Variants in CCDC171 observed in about 807,000 individuals in gnomAD.
CCDC171 encodes the protein coiled-coil domain-containing protein 171.
Under a neutral mutation model 168.2 loss-of-function variants are expected in CCDC171, and 177 were observed. The ratio of observed to expected loss-of-function variants is 1.05; its 90% CI spans 0.93 to 1.19. The LOEUF (loss-of-function observed/expected upper bound fraction) is 1.19. Among genes scored for constraint, CCDC171 ranks in the 50% most tolerant of loss-of-function variants. CCDC171 has a pLI of 0.00. For missense variants in CCDC171, 1,991 were observed against 1,539.0 expected (o/e 1.29, Z -4.91); for synonymous variants, 687 against 540.8 (o/e 1.27, Z -3.75).
rs764641354 is a variant in CCDC171 at position 16,051,762 on chromosome 9, G to T, written n.89+8876G>T. On this transcript the variant is annotated intron_variant and non_coding_transcript_variant, in intron 1 of 1. Coordinates refer to the CCDC171 transcript ENST00000478913. ...TTCACATCTCCTTAGTTTTCTAACT[G>T]AACTGATTTGAGCCCCCTGTATTAG... Among the ~76,000 whole-genome samples the T allele has an allele frequency of 3.3e-5, 5 of 152,134 alleles. No individual in the cohort carries two copies. In the South Asian group the frequency reaches 1.0e-3, roughly 32 times the overall value.
At chr9:15,727,451 A>G (rs2053878990) in intron 14 of CCDC171, among the ~76,000 whole-genome samples, 1 of 152,188 alleles carries the variant, frequency 6.6e-6, no homozygotes, top group Admixed American at 6.6e-5. Context: ...GACAAGTAGT[A>G]TCTATTTTGG....
At chr9:15,793,827 G>C (rs75845784) in intron 21 of CCDC171, among the ~76,000 whole-genome samples, 1 of 151,978 alleles carries the variant, frequency 6.6e-6, no homozygotes, top group Non-Finnish European at 1.5e-5. Context: ...GATTATTGAT[G>C]TGACAGATAT....
chr9:15,714,321 A>G (rs934579373), intron 11 of CCDC171, among the ~76,000 whole-genome samples: 7 of 152,100 alleles, frequency 4.6e-5, no homozygotes, highest in Non-Finnish European at 5.9e-5. Context: ...CCCTCACTCT[A>G]TAGGTCAGGT....
At chr9:16,093,030 G>A in the CCDC171 span, among the ~76,000 whole-genome samples, 24 of 152,302 alleles carry the variant, frequency 1.6e-4, no homozygotes, top group Middle Eastern at 3.4e-3. Context: ...CTGACAAAAC[G>A]TGGTCTGCTT....
At chr9:15,568,130 T>C (rs1018742995) in intron 2 of CCDC171, among the ~76,000 whole-genome samples, 1 of 152,138 alleles carries the variant, frequency 6.6e-6, no homozygotes, top group East Asian at 1.9e-4. Flanking sequence ...GTCTGTTTTT[T>C]CTTAGTGGAT....
At chr9:15,927,960 A>AT (rs928673712) in intron 25 of CCDC171, among the ~76,000 whole-genome samples, 1 of 151,630 alleles carries the variant, frequency 6.6e-6, no homozygotes, top group Non-Finnish European at 1.5e-5. Context: ...CTTTAAGAAT[A>AT]TTTTTTTGAA....
chr9:16,062,623 C>A (rs539229548), downstream of CCDC171, among the ~76,000 whole-genome samples: 5 of 152,300 alleles, frequency 3.3e-5, no homozygotes, highest in African/African-American at 1.2e-4. Context: ...TTCATTCCTG[C>A]ATTCATTCAC....
intron 16 of CCDC171, 98 bp from the exon 17 acceptor site, chr9:15,744,175 G>A: frequency 3.2e-6 from 3 of 926,152 alleles, no homozygotes; most frequent in Non-Finnish European, 4.7e-6. Context: ...AGAGGAAGAA[G>A]TGGTTGTCAG....
At chr9:15,869,689 C>G (rs972803476) in intron 23 of CCDC171, among the ~76,000 whole-genome samples, 1 of 151,454 alleles carries the variant, frequency 6.6e-6, no homozygotes, top group Non-Finnish European at 1.5e-5. Context: ...GTAGTTGTGA[C>G]CAGGAAAGTT....
chr9:15,725,962 G>A (rs545588533), intron 14 of CCDC171, among the ~76,000 whole-genome samples: 1 of 152,234 alleles, frequency 6.6e-6, no homozygotes, highest in East Asian at 1.9e-4. Flanking sequence ...TTTTGTTTAA[G>A]CCTCTGTGAA....
At chr9:15,795,471 GC>G (rs760104970) in intron 21 of CCDC171, among the ~76,000 whole-genome samples, 3 of 152,142 alleles carry the variant, frequency 2.0e-5, no homozygotes, top group Non-Finnish European at 2.9e-5. Flanking sequence ...GGGGTATATA[GC>G]CAAGCTTAAA....
At chr9:15,817,519 CT>C (rs1388617393) in intron 21 of CCDC171, among the ~76,000 whole-genome samples, 1 of 118,658 alleles carries the variant, frequency 8.4e-6, no homozygotes, top group Non-Finnish European at 1.9e-5. Context: ...TTCCAAAGGG[CT>C]TAACAAACAG....
At chr9:15,716,622 C>G (rs2053106849) in intron 11 of CCDC171, among the ~76,000 whole-genome samples, 1 of 152,066 alleles carries the variant, frequency 6.6e-6, no homozygotes, top group South Asian at 2.1e-4. Context: ...TCTTACAGTT[C>G]TGGAGGCTGG....
At chr9:15,808,368 T>C (rs2059170271) in intron 21 of CCDC171, among the ~76,000 whole-genome samples, 1 of 152,210 alleles carries the variant, frequency 6.6e-6, no homozygotes, top group Non-Finnish European at 1.5e-5. Context: ...TGAGTTTGCA[T>C]TGTTTTTCAA....
At chr9:15,555,935 T>G (rs534706764) in intron 1 of CCDC171, among the ~76,000 whole-genome samples, 1 of 152,242 alleles carries the variant, frequency 6.6e-6, no homozygotes, top group South Asian at 2.1e-4. Flanking sequence ...CATGCGGTGT[T>G]TGGTTTTCTG....
In CCDC171 at chr9:15,792,590, A is replaced by G. The variant is rs920743112; in HGVS notation, c.3267+7896A>G. On this transcript the variant is annotated intron_variant, in intron 21 of 25. Coordinates refer to ENST00000380701, the MANE Select transcript of CCDC171 (RefSeq NM_173550.4). ...GCCAGAGAGAAAGGTCGGGTTGCCC[A>G]CAAAGGGAAGCCCATCAGACTAACA... 9.8e-5 allele frequency among the ~76,000 whole-genome samples: 15 copies of G among 152,344 alleles called. No individual in the cohort carries two copies. In the East Asian group the frequency reaches 2.5e-3, roughly 25 times the overall value.
intron 1 of CCDC171, among the ~76,000 whole-genome samples, chr9:16,054,140 C>T (rs1371191450): frequency 6.6e-6 from 1 of 152,182 alleles, no homozygotes; most frequent in Non-Finnish European, 1.5e-5. Context: ...TATGGTCCTT[C>T]TCTGGGGTCC....
chr9:15,607,488 G>T (rs761043534), intron 6 of CCDC171, among the ~76,000 whole-genome samples: 2 of 151,664 alleles, frequency 1.3e-5, no homozygotes, highest in Non-Finnish European at 1.5e-5. Flanking sequence ...TTTAGACAGG[G>T]TCTCACTCTG....
At chr9:15,992,344 A>G (rs1006993862) in intron 3 of CCDC171, among the ~76,000 whole-genome samples, 7 of 152,210 alleles carry the variant, frequency 4.6e-5, no homozygotes, top group Non-Finnish European at 8.8e-5. Flanking sequence ...GATTATCTCA[A>G]TAGATGCAGA....
Sources: allele counts gnomAD v4.1 joint callset (sites outside exome capture counted in the v4.1 genomes callset), GRCh38; gene constraint gnomAD v4.1.1; transcripts MANE v1.5; gene names NCBI Gene and HGNC (gene_info 2026-07-23, HGNC 2026-07-21).